CLOCK: variants seen among roughly 807,000 people sequenced by gnomAD.
CLOCK encodes the protein clock circadian regulator.
In CLOCK, 43 loss-of-function variants were observed where a neutral mutation model predicts 118.4. The ratio of observed to expected loss-of-function variants is 0.36; its 90% CI spans 0.28 to 0.47. The LOEUF is 0.47. CLOCK is among the 20% of genes least tolerant of loss of function. CLOCK has a pLI of 1.00. For missense variants in CLOCK, 846 were observed against 999.9 expected, an observed-to-expected ratio of 0.85 and a Z score of 2.08; for synonymous variants, 326 against 339.2, an observed-to-expected ratio of 0.96 and a Z score of 0.43.
At chr4:55,498,707 G>A (rs1381579023) in intron 2 of CLOCK, among the ~76,000 whole-genome samples, 1 of 151,990 alleles carries the variant, frequency 6.6e-6, no homozygotes, top group African/African-American at 2.4e-5. Flanking sequence ...CTCAATCTGT[G>A]GAGTGGCAGG....
intron 9 of CLOCK, among the ~76,000 whole-genome samples, chr4:55,463,339 A>G (rs1357843405): frequency 6.6e-6 from 1 of 152,118 alleles, no homozygotes; most frequent in Non-Finnish European, 1.5e-5. Context: ...GGTGAAAATT[A>G]GAATGTTTAA....
At chr4:55,481,899 T>C (rs1194630856) in intron 4 of CLOCK, among the ~76,000 whole-genome samples, 1 of 152,174 alleles carries the variant, frequency 6.6e-6, no homozygotes, top group Non-Finnish European at 1.5e-5. Flanking sequence ...AAATAACATG[T>C]AAAAAAGTAT....
At chr4:55,436,737 A>T (rs1186424139) in intron 22 of CLOCK, among the ~76,000 whole-genome samples, 1 of 152,102 alleles carries the variant, frequency 6.6e-6, no homozygotes, top group African/African-American at 2.4e-5. Flanking sequence ...CTTGATACTT[A>T]TGAGCCTTAT....
chr4:55,541,514 T>G (rs1472410180), intron 1 of CLOCK, among the ~76,000 whole-genome samples: 1 of 152,234 alleles, frequency 6.6e-6, no homozygotes, highest in Non-Finnish European at 1.5e-5. Flanking sequence ...CAATATTGTT[T>G]TATTAAAATA....
At chr4:55,530,972 C>A (rs1202410838) in intron 1 of CLOCK, among the ~76,000 whole-genome samples, 2 of 151,634 alleles carry the variant, frequency 1.3e-5, no homozygotes, top group African/African-American at 4.9e-5. Context: ...AGTGATATCT[C>A]CAGGAAAAGG....
intron 3 of CLOCK, among the ~76,000 whole-genome samples, chr4:55,488,257 T>C (rs951274878): frequency 1.3e-5 from 2 of 152,214 alleles, no homozygotes; most frequent in African/African-American, 4.8e-5. Context: ...CTCCTCTAAT[T>C]AATACTGGCA....
intron 4 of CLOCK, among the ~76,000 whole-genome samples, chr4:55,480,896 A>AC (rs1163399357): frequency 2.1e-5 from 3 of 145,574 alleles, no homozygotes. Context: ...GTCTCAAAAA[A>AC]AAAAAAGAGA....
chr4:55,453,184 T>G (rs544412151), intron 14 of CLOCK, 55 bp from the exon 15 acceptor site: 4 of 1,325,882 alleles, frequency 3.0e-6, no homozygotes, highest in Non-Finnish European at 2.2e-6. Flanking sequence ...TTTAAAATAC[T>G]GCACAGCTGT....
chr4:55,506,662 G>C (rs1028808869), intron 2 of CLOCK, among the ~76,000 whole-genome samples: 1 of 151,928 alleles, frequency 6.6e-6, no homozygotes, highest in Non-Finnish European at 1.5e-5. Context: ...CCGGGTTCCA[G>C]CAATTCTCTG....
chr4:55,455,767 G>A (rs1724875906), intron 13 of CLOCK, 130 bp downstream of exon 13: 2 of 729,626 alleles, frequency 2.7e-6, no homozygotes, highest in Admixed American at 2.2e-5. Flanking sequence ...TATACATAAA[G>A]CAAAATCTTT....
intron 1 of CLOCK, among the ~76,000 whole-genome samples, chr4:55,522,768 AACAT>A (rs1328266050): frequency 1.3e-5 from 2 of 152,320 alleles, no homozygotes; most frequent in East Asian, 1.9e-4. Context: ...CTCCATATAC[AACAT>A]ACAAACATGC....
chr4:55,503,978 T>TAAAAGAAAAAAAAAAAA lies in CLOCK; in HGVS notation c.-136+5933_-136+5934insTTTTTTTTTTTTCTTTT, dbSNP rs1553900254. On this transcript the variant is annotated intron_variant, in intron 2 of 22. Coordinates refer to ENST00000513440, the MANE Select transcript of CLOCK (RefSeq NM_004898.4). Reference sequence around the variant, plus strand: ...ACAGTTTCTATTTGGCAAAAAGAGGTAAAAAAAAAAAAAAAAAAAAAAAAA... The same window carrying TAAAAGAAAAAAAAAAAA: ...ACAGTTTCTATTTGGCAAAAAGAGGTAAAAGAAAAAAAAAAAAAAAAAAAAAAAAAAAAAAAAAAAAA... Among the ~76,000 whole-genome samples the TAAAAGAAAAAAAAAAAA allele has an allele frequency of 7.5e-3, 535 of 71,050 alleles. 63 individuals are homozygous for TAAAAGAAAAAAAAAAAA. Among genetic ancestry groups the TAAAAGAAAAAAAAAAAA allele is most frequent in the Middle Eastern group, 0.018 (1 of 56 alleles). The allele number at this position is 71,050 out of a possible 152,430, so 46.6% of individuals were successfully genotyped here.
At chr4:55,537,534 C>G (rs1186265803) in intron 1 of CLOCK, among the ~76,000 whole-genome samples, 1 of 152,062 alleles carries the variant, frequency 6.6e-6, no homozygotes, top group African/African-American at 2.4e-5. Context: ...GCGAGGATCT[C>G]TTGAGCCTGA....
At chr4:55,456,771 T>C (rs1017726696) in intron 11 of CLOCK, among the ~76,000 whole-genome samples, 8 of 152,220 alleles carry the variant, frequency 5.3e-5, no homozygotes, top group African/African-American at 1.9e-4. Context: ...CTCAACATCC[T>C]AGGCTCAAGC....
intron 1 of CLOCK, among the ~76,000 whole-genome samples, chr4:55,524,361 T>G (rs925629638): frequency 2.6e-5 from 4 of 151,554 alleles, no homozygotes; most frequent in Non-Finnish European, 5.9e-5. Flanking sequence ...ATCACACCAC[T>G]GCACTCCAGC....
intron 2 of CLOCK, among the ~76,000 whole-genome samples, chr4:55,503,658 T>A (rs1270155908): frequency 7.1e-6 from 1 of 141,816 alleles, no homozygotes; most frequent in East Asian, 1.9e-4. Context: ...TTAAATTTAA[T>A]TTTTTTTGGT....
chr4:55,503,977 G>GGA (rs1560463004), intron 2 of CLOCK, among the ~76,000 whole-genome samples: 1 of 25,102 alleles, frequency 4.0e-5, no homozygotes, highest in Non-Finnish European at 9.5e-5. Context: ...GCAAAAAGAG[G>GGA]TAAAAAAAAA....
At chr4:55,473,376 T>C (rs1293073705) in intron 7 of CLOCK, among the ~76,000 whole-genome samples, 9 of 152,230 alleles carry the variant, frequency 5.9e-5, no homozygotes, top group Admixed American at 2.0e-4. Flanking sequence ...TGAGTTAATA[T>C]ATAAAAATTA....
At chr4:55,480,115 T>C (rs1037574963) in intron 4 of CLOCK, among the ~76,000 whole-genome samples, 4 of 152,246 alleles carry the variant, frequency 2.6e-5, no homozygotes, top group Non-Finnish European at 4.4e-5. Context: ...CTCGTAAACA[T>C]CACAATGTAA....
Sources: gnomAD v4.1 joint callset for allele counts (sites outside exome capture counted in the v4.1 genomes callset) on GRCh38, gnomAD v4.1.1 for gene constraint, MANE v1.5 for transcripts, NCBI Gene and HGNC (gene_info 2026-07-23, HGNC 2026-07-21) for gene names.